Variants in ENTREP2 observed in about 807,000 individuals in gnomAD.
ENTREP2 encodes the protein protein ENTREP2.
At chr15:29,129,166 C>T in the ENTREP2 span, among the ~76,000 whole-genome samples, 173 of 152,310 alleles carry the variant, frequency 1.1e-3, no homozygotes, top group East Asian at 6.4e-3. Context: ...CGGATTCAAG[C>T]GATTCTCCTG....
chr15:29,145,379 T>G, the ENTREP2 span, among the ~76,000 whole-genome samples: 1 of 151,910 alleles, frequency 6.6e-6, no homozygotes, highest in African/African-American at 2.4e-5. Context: ...TCCCAGCACT[T>G]TGGGAGGCCG....
the ENTREP2 span, among the ~76,000 whole-genome samples, chr15:29,188,492 G>A: frequency 2.6e-5 from 4 of 152,076 alleles, no homozygotes; most frequent in African/African-American, 9.7e-5. Flanking sequence ...TCCCACTTAT[G>A]AGTAAGAACA....
the ENTREP2 span, among the ~76,000 whole-genome samples, chr15:29,481,645 C>T: frequency 1.3e-5 from 2 of 152,118 alleles, no homozygotes; most frequent in Admixed American, 1.3e-4. Context: ...ATATGCTTAA[C>T]ATAGCCTGGC....
At chr15:29,510,387 T>A in the ENTREP2 span, among the ~76,000 whole-genome samples, 2 of 152,176 alleles carry the variant, frequency 1.3e-5, no homozygotes, top group Non-Finnish European at 2.9e-5. Flanking sequence ...GAACTAGCAA[T>A]CCCATTACTG....
the ENTREP2 span, among the ~76,000 whole-genome samples, chr15:29,285,929 A>AT: frequency 1.3e-5 from 2 of 152,220 alleles, no homozygotes; most frequent in Admixed American, 6.5e-5. Context: ...TATTAACAGA[A>AT]TAAGGGAGTT....
At chr15:29,547,049 G>C in the ENTREP2 span, among the ~76,000 whole-genome samples, 1 of 150,814 alleles carries the variant, frequency 6.6e-6, no homozygotes, top group African/African-American at 2.4e-5. Flanking sequence ...ATTCTGCAAA[G>C]AAAGAAACAG....
the ENTREP2 span, among the ~76,000 whole-genome samples, chr15:29,205,192 T>G: frequency 6.6e-6 from 1 of 152,228 alleles, no homozygotes; most frequent in Non-Finnish European, 1.5e-5. Context: ...ATCAGATGCA[T>G]CTACCATATT....
chr15:29,448,854 T>C, the ENTREP2 span, among the ~76,000 whole-genome samples: 26 of 152,146 alleles, frequency 1.7e-4, no homozygotes, highest in Non-Finnish European at 3.5e-4. Flanking sequence ...GAAAAATCAA[T>C]CTGAAAGTAT....
the ENTREP2 span, among the ~76,000 whole-genome samples, chr15:29,388,028 C>A: frequency 1.3e-5 from 2 of 151,284 alleles, no homozygotes; most frequent in Non-Finnish European, 2.9e-5. Flanking sequence ...AGAAGAAAAC[C>A]TAGGCAATAC....
At chr15:29,259,811 C>CATATATATATATATATATATAT in the ENTREP2 span, among the ~76,000 whole-genome samples, 7 of 149,318 alleles carry the variant, frequency 4.7e-5, no homozygotes, top group African/African-American at 1.8e-4. Flanking sequence ...ATCCCATTTA[C>CATATATATATATATATATATAT]ATATATATAT....
chr15:29,234,228 G>A, the ENTREP2 span: 1 of 1,611,180 alleles, frequency 6.2e-7, no homozygotes, highest in South Asian at 1.1e-5. Flanking sequence ...ACTGGTGGTT[G>A]TCGTAACTCT....
chr15:29,197,053 C>A, the ENTREP2 span, among the ~76,000 whole-genome samples: 1 of 152,212 alleles, frequency 6.6e-6, no homozygotes, highest in Non-Finnish European at 1.5e-5. Flanking sequence ...CTACTGAAGA[C>A]TGACTTTATC....
At chr15:29,651,310 A>G in the ENTREP2 span, among the ~76,000 whole-genome samples, 1 of 151,888 alleles carries the variant, frequency 6.6e-6, no homozygotes, top group Non-Finnish European at 1.5e-5. Context: ...AAACCTCTAC[A>G]CTCCTTCAAC....
chr15:29,644,850 A>G, the ENTREP2 span, among the ~76,000 whole-genome samples: 1 of 151,654 alleles, frequency 6.6e-6, no homozygotes, highest in African/African-American at 2.4e-5. Context: ...AAGAAAAGAA[A>G]AAGAAAAGTA....
the ENTREP2 span, among the ~76,000 whole-genome samples, chr15:29,380,299 C>T: frequency 6.6e-5 from 10 of 152,108 alleles, no homozygotes; most frequent in Non-Finnish European, 1.2e-4. Context: ...TTCCCTGATA[C>T]CATTTCAGGG....
the ENTREP2 span, among the ~76,000 whole-genome samples, chr15:29,137,864 A>C: frequency 6.6e-6 from 1 of 151,994 alleles, no homozygotes; most frequent in Admixed American, 6.6e-5. Context: ...AAACAAACAA[A>C]GACGGCATTT....
chr15:29,513,664 AAAC>A, the ENTREP2 span, among the ~76,000 whole-genome samples: 1 of 152,180 alleles, frequency 6.6e-6, no homozygotes, highest in African/African-American at 2.4e-5. Flanking sequence ...TCCACTTTGA[AAAC>A]AAAAGGCAGC....
chr15:29,221,884 G>A, the ENTREP2 span, among the ~76,000 whole-genome samples: 1 of 152,026 alleles, frequency 6.6e-6, no homozygotes, highest in Non-Finnish European at 1.5e-5. Context: ...ACAAAAGATT[G>A]GAAAGAATCG....
At chr15:29,216,873 A>T in the ENTREP2 span, among the ~76,000 whole-genome samples, 1 of 152,192 alleles carries the variant, frequency 6.6e-6, no homozygotes, top group Non-Finnish European at 1.5e-5. Context: ...AAAAGAAAAG[A>T]AAAGAAAAAC....
Sources: allele counts gnomAD v4.1 joint callset (sites outside exome capture counted in the v4.1 genomes callset), GRCh38; gene constraint gnomAD v4.1.1; transcripts MANE v1.5; gene names NCBI Gene and HGNC (gene_info 2026-07-23, HGNC 2026-07-21).